Variants in EBF2 observed in about 807,000 individuals in gnomAD.
EBF2 encodes the protein EBF transcription factor 2.
In EBF2, 21 loss-of-function variants were observed where a neutral mutation model predicts 72.8. The ratio of observed to expected loss-of-function variants is 0.29; its 90% confidence interval spans 0.20 to 0.42. The LOEUF (loss-of-function observed/expected upper bound fraction) is 0.42. Ranked by LOEUF, EBF2 falls within the 10% of genes least tolerant of loss-of-function variation. The pLI is 1.00. For synonymous variants in EBF2, 299 were observed against 274.2 expected (o/e 1.09, Z -0.89); for missense variants, 637 against 731.2 (o/e 0.87, Z 1.49).
At chr8:25,963,577 C>A (rs1332686470) in intron 6 of EBF2, among the ~76,000 whole-genome samples, 1 of 152,136 alleles carries the variant, frequency 6.6e-6, no homozygotes, top group Non-Finnish European at 1.5e-5. Flanking sequence ...AAATGAGGGT[C>A]TCATTTTCCT....
At chr8:26,007,809 CACAT>C (rs1304146181) in intron 6 of EBF2, among the ~76,000 whole-genome samples, 2 of 151,764 alleles carry the variant, frequency 1.3e-5, no homozygotes, top group South Asian at 2.1e-4. Context: ...CACACACACA[CACAT>C]ACACACACAC....
In EBF2 at chr8:25,927,970, A is replaced by C. The variant is rs1018532762; in HGVS notation, c.552-19415T>G. 2.0e-5 allele frequency among the ~76,000 whole-genome samples: 3 copies of C among 152,250 alleles called. No homozygotes were observed. The East Asian group carries it at 5.8e-4, about 29-fold the overall frequency. ...GAAAAGCCCAGAATGTATTTACTCCACTTGATTAAAATAGAAATATATATA... is the reference window on the plus strand; with the variant it reads ...GAAAAGCCCAGAATGTATTTACTCCCCTTGATTAAAATAGAAATATATATA... On this transcript the variant is annotated intron_variant, in intron 6 of 15. Coordinates refer to ENST00000520164, the MANE Select transcript of EBF2 (RefSeq NM_022659.4).
intron 6 of EBF2, among the ~76,000 whole-genome samples, chr8:25,985,756 T>C (rs781619077): frequency 7.2e-5 from 11 of 151,990 alleles, no homozygotes; most frequent in African/African-American, 7.2e-5. Context: ...TCCCAACACT[T>C]TGGGAGGCTG....
At chr8:26,039,968 A>G (rs1400640716) in intron 5 of EBF2, 60 bp downstream of exon 5, 26 of 1,582,916 alleles carry the variant, frequency 1.6e-5, no homozygotes, top group Non-Finnish European at 2.2e-5. Flanking sequence ...GCGGCGCGCC[A>G]AGGCGGGGCT....
intron 7 of EBF2, among the ~76,000 whole-genome samples, chr8:25,898,479 A>G (rs1421101545): frequency 6.6e-6 from 1 of 151,588 alleles, no homozygotes; most frequent in Non-Finnish European, 1.5e-5. Flanking sequence ...TTTTCATGTC[A>G]TTGAGGAGTG....
chr8:25,863,912 C>A (rs189542231), intron 10 of EBF2, among the ~76,000 whole-genome samples: 224 of 152,244 alleles, frequency 1.5e-3, no homozygotes, highest in Non-Finnish European at 2.7e-3. Context: ...TACTTTTCAT[C>A]CACTTAACAA....
chr8:25,849,401 C>T (rs925898430), intron 15 of EBF2, among the ~76,000 whole-genome samples: 1 of 152,208 alleles, frequency 6.6e-6, no homozygotes, highest in African/African-American at 2.4e-5. Context: ...AGAACCCACA[C>T]TCTATCATCA....
At chr8:25,847,197 C>T (rs1246691417) in intron 15 of EBF2, among the ~76,000 whole-genome samples, 5 of 152,122 alleles carry the variant, frequency 3.3e-5, no homozygotes, top group African/African-American at 1.2e-4. Flanking sequence ...GTTAGCAAGC[C>T]TCAAAGAGTG....
intron 6 of EBF2, among the ~76,000 whole-genome samples, chr8:25,944,707 A>G (rs1156577189): frequency 6.8e-6 from 1 of 147,960 alleles, no homozygotes; most frequent in African/African-American, 2.5e-5. Flanking sequence ...ATTATGTATA[A>G]TTATATATAC....
chr8:25,878,091 T>C (rs1171355460), intron 10 of EBF2, among the ~76,000 whole-genome samples: 1 of 152,154 alleles, frequency 6.6e-6, no homozygotes, highest in Non-Finnish European at 1.5e-5. Flanking sequence ...ACACAAGCAG[T>C]GGACCACACG....
chr8:25,926,945 G>C (rs1434133293), intron 6 of EBF2, among the ~76,000 whole-genome samples: 1 of 152,190 alleles, frequency 6.6e-6, no homozygotes, highest in African/African-American at 2.4e-5. Context: ...GAAGTCCAAG[G>C]ATTCCGTAGA....
At chr8:25,956,357 A>G (rs1387061439) in intron 6 of EBF2, among the ~76,000 whole-genome samples, 1 of 151,910 alleles carries the variant, frequency 6.6e-6, no homozygotes. Context: ...GTGAGCCGAG[A>G]TCGCATCATT....
chr8:25,963,719 G>C (rs1215680222), intron 6 of EBF2, among the ~76,000 whole-genome samples: 1 of 152,028 alleles, frequency 6.6e-6, no homozygotes, highest in East Asian at 1.9e-4. Context: ...TTAAAACTGA[G>C]GATATCAAAC....
At chr8:25,972,766 G>A (rs1309700075) in intron 6 of EBF2, among the ~76,000 whole-genome samples, 2 of 151,794 alleles carry the variant, frequency 1.3e-5, no homozygotes, top group Non-Finnish European at 2.9e-5. Context: ...AGTGGGCCAC[G>A]ATGTGTAAAA....
At chr8:25,889,618 G>A (rs962121772) in intron 8 of EBF2, 134 bp downstream of exon 8, 21 of 678,878 alleles carry the variant, frequency 3.1e-5, no homozygotes, top group South Asian at 2.7e-4. Context: ...TTACAACTTC[G>A]TTTAAAAAAA....
intron 3 of EBF2, 26 bp downstream of exon 3, chr8:26,040,913 C>A (rs1475196142): frequency 1.8e-5 from 29 of 1,613,708 alleles, no homozygotes; most frequent in African/African-American, 9.3e-5. Flanking sequence ...TAGGCGCCGG[C>A]TCACCGTTGC....
intron 6 of EBF2, among the ~76,000 whole-genome samples, chr8:25,944,597 CTA>C (rs1027972720): frequency 6.8e-6 from 1 of 147,452 alleles, no homozygotes; most frequent in Non-Finnish European, 1.5e-5. Context: ...TTAATACAGT[CTA>C]TAAATTATAT....
chr8:25,899,204 T>C (rs140836854), intron 7 of EBF2, among the ~76,000 whole-genome samples: 18 of 151,642 alleles, frequency 1.2e-4, no homozygotes, highest in African/African-American at 3.4e-4. Flanking sequence ...GCTTACATCA[T>C]TGGACTAAGA....
intron 6 of EBF2, among the ~76,000 whole-genome samples, chr8:25,960,603 T>C (rs903375949): frequency 3.3e-5 from 5 of 152,086 alleles, no homozygotes; most frequent in Non-Finnish European, 5.9e-5. Flanking sequence ...CCTGCTTTGC[T>C]GGGGGCACAT....
Sources: allele counts gnomAD v4.1 joint callset (sites outside exome capture counted in the v4.1 genomes callset), GRCh38; gene constraint gnomAD v4.1.1; transcripts MANE v1.5; gene names NCBI Gene and HGNC (gene_info 2026-07-23, HGNC 2026-07-21).